CSMD2: variants seen among roughly 807,000 people sequenced by gnomAD.
The protein encoded by CSMD2 is CUB and Sushi multiple domains 2, also known as CUB and sushi domain-containing protein 2.
Under a neutral mutation model 398.5 loss-of-function variants are expected in CSMD2, and 130 were observed. That is an observed-to-expected ratio of 0.33 (90% confidence interval 0.28 to 0.38). CSMD2 has a LOEUF of 0.38. CSMD2 is among the 10% of genes least tolerant of loss of function. CSMD2 has a pLI of 1.00. For missense variants in CSMD2, 3,829 were observed against 4,764.9 expected (o/e 0.80, Z 5.78); for synonymous variants, 1,828 against 1,908.5 (o/e 0.96, Z 1.10).
At chr1:34,053,513 T>C (rs1337045837) in intron 2 of CSMD2, among the ~76,000 whole-genome samples, 1 of 152,200 alleles carries the variant, frequency 6.6e-6, no homozygotes. Context: ...TCCATTATGA[T>C]TGCGGTGCTC....
intron 2 of CSMD2, among the ~76,000 whole-genome samples, chr1:34,062,841 G>A (rs1429004443): frequency 6.6e-6 from 1 of 152,208 alleles, no homozygotes; most frequent in African/African-American, 2.4e-5. Flanking sequence ...TTATGGGCAA[G>A]AGGAGTGTAT....
chr1:33,989,767 C>G (rs796704111), intron 3 of CSMD2, among the ~76,000 whole-genome samples: 36 of 152,012 alleles, frequency 2.4e-4, no homozygotes, highest in African/African-American at 8.2e-4. Flanking sequence ...TACGATTTTG[C>G]TATGTGAAAC....
intron 4 of CSMD2, among the ~76,000 whole-genome samples, chr1:33,930,976 T>C (rs1644294554): frequency 6.6e-6 from 1 of 152,178 alleles, no homozygotes; most frequent in South Asian, 2.1e-4. Context: ...ACATGACATT[T>C]CCTAGATAAA....
At chr1:33,667,290 G>T (rs1241558762) in intron 25 of CSMD2, among the ~76,000 whole-genome samples, 2 of 152,198 alleles carry the variant, frequency 1.3e-5, no homozygotes, top group African/African-American at 4.8e-5. Context: ...GGACTAAATA[G>T]ACATGAAGGA....
Position 33,794,602 on chromosome 1 carries a change from C to T in CSMD2, c.1447-2076G>A, listed in dbSNP as rs564506740. ...GAGCAGTCAGATTATGAGAGGCTGC[C>T]GGTAATGCTAAGAATTTTGGGCTTT... On this transcript the variant is annotated intron_variant, in intron 10 of 70. Coordinates refer to ENST00000373381, the MANE Select transcript of CSMD2 (RefSeq NM_001281956.2). Among the ~76,000 whole-genome samples, 7 of 152,198 alleles carry T rather than the reference C, an allele frequency of 4.6e-5. No homozygotes were observed. In the East Asian group the frequency reaches 5.8e-4, roughly 13 times the overall value.
At chr1:33,638,543 C>T (rs1024957231) in intron 29 of CSMD2, among the ~76,000 whole-genome samples, 1 of 152,198 alleles carries the variant, frequency 6.6e-6, no homozygotes, top group African/African-American at 2.4e-5. Context: ...TGTGTAAACA[C>T]GAGTTAGATC....
chr1:33,605,230 A>AT, intron 42 of CSMD2, 52 bp downstream of exon 42: 1 of 1,540,622 alleles, frequency 6.5e-7, no homozygotes, highest in Non-Finnish European at 8.9e-7. Flanking sequence ...GCTCTGGACC[A>AT]GTCTCCACGA....
At chr1:33,674,967 AG>A (rs1644650561) in intron 25 of CSMD2, among the ~76,000 whole-genome samples, 1 of 152,220 alleles carries the variant, frequency 6.6e-6, no homozygotes, top group African/African-American at 2.4e-5. Flanking sequence ...CAGTGTGTAG[AG>A]GGAAATTTAT....
At chr1:33,846,757 T>C (rs746666) in intron 6 of CSMD2, 127 bp downstream of exon 6, 38 of 499,704 alleles carry the variant, frequency 7.6e-5, no homozygotes, top group Non-Finnish European at 1.1e-4. Flanking sequence ...GGTCTGCAAA[T>C]AGAAACGTAC....
intron 2 of CSMD2, among the ~76,000 whole-genome samples, chr1:34,079,000 T>C (rs994973166): frequency 1.3e-5 from 2 of 152,224 alleles, no homozygotes; most frequent in African/African-American, 2.4e-5. Flanking sequence ...TTCATTGCTT[T>C]AGTCCAGACT....
At position 33,518,005 on chromosome 1, in the gene CSMD2, C is replaced by T. The variant is rs1653918259; in HGVS notation, c.*54-1435G>A. 6.6e-6 allele frequency among the ~76,000 whole-genome samples: 1 copy of T among 152,266 alleles called. No homozygotes were observed. The highest frequency in any genetic ancestry group is 2.1e-4 in the South Asian group (1 of 4,836). On this transcript the variant is annotated intron_variant, in intron 70 of 70. Transcript: ENST00000373381. This position sits in a 1 kb window ranked among gnomAD's most constrained non-coding sequence, Gnocchi z 4.3. Reference sequence around the variant, plus strand: ...TGTGTGTGGCTGGGAGAATCTGCCACGTGAGCGGCCATGCACAGGAGCGTG... The same window carrying T: ...TGTGTGTGGCTGGGAGAATCTGCCATGTGAGCGGCCATGCACAGGAGCGTG...
intron 3 of CSMD2, among the ~76,000 whole-genome samples, chr1:34,010,590 C>A (rs929863167): frequency 5.3e-5 from 8 of 152,044 alleles, no homozygotes. Context: ...GCAGGGCCTG[C>A]CACACTGACT....
At chr1:33,623,942 C>T (rs1289841877) in intron 35 of CSMD2, among the ~76,000 whole-genome samples, 2 of 152,322 alleles carry the variant, frequency 1.3e-5, no homozygotes, top group Middle Eastern at 3.4e-3. Flanking sequence ...GACGCCAATG[C>T]TGGGGCCTCC....
chr1:33,922,091 G>A (rs1003006370), intron 4 of CSMD2, among the ~76,000 whole-genome samples: 1 of 152,036 alleles, frequency 6.6e-6, no homozygotes, highest in African/African-American at 2.4e-5. Context: ...AGGAAGTGAC[G>A]GCCCTTCCTC....
intron 1 of CSMD2, among the ~76,000 whole-genome samples, chr1:34,162,452 G>A (rs1641431809): frequency 6.6e-6 from 1 of 152,186 alleles, no homozygotes; most frequent in Non-Finnish European, 1.5e-5. Flanking sequence ...AAATGAATGT[G>A]TTTCCCCTTC....
intron 55 of CSMD2, among the ~76,000 whole-genome samples, chr1:33,552,051 G>A (rs1405226787): frequency 1.3e-5 from 2 of 152,194 alleles, no homozygotes; most frequent in Admixed American, 1.3e-4. Context: ...GGGCAGAGAT[G>A]AGCTGTCTCT....
At chr1:33,754,496 CTCTTT>C (rs1648721027) in intron 13 of CSMD2, among the ~76,000 whole-genome samples, 1 of 152,186 alleles carries the variant, frequency 6.6e-6, no homozygotes, top group South Asian at 2.1e-4. Context: ...CAAATTCAAA[CTCTTT>C]TCTTTATAAA....
chr1:33,594,681 C>G lies in CSMD2; in HGVS notation c.6856+6184G>C, dbSNP rs149421163. 1.7e-3 allele frequency among the ~76,000 whole-genome samples: 263 copies of G among 152,242 alleles called. 3 individuals are homozygous for G. Among genetic ancestry groups the G allele is most frequent in the Admixed American group, 4.0e-3 (61 of 15,288 alleles). ...TTCTATCTTCTCTCTACCATTTTCA[C>G]GCCTCTGCCCTTCTCCCTATTTGGG... On this transcript the variant is annotated intron_variant, in intron 44 of 70. Transcript: ENST00000373381.
chr1:33,985,044 A>T (rs1481103148), intron 3 of CSMD2, among the ~76,000 whole-genome samples: 5 of 152,226 alleles, frequency 3.3e-5, no homozygotes, highest in African/African-American at 1.2e-4. Context: ...GTGTGGCGTT[A>T]ACGGTTCCCA....
Sources: gnomAD v4.1 joint callset for allele counts (sites outside exome capture counted in the v4.1 genomes callset) on GRCh38, gnomAD v4.1.1 for gene constraint, Gnocchi (gnomAD v3.1) non-coding constraint, MANE v1.5 for transcripts, NCBI Gene and HGNC (gene_info 2026-07-23, HGNC 2026-07-21) for gene names.